Variants in XRCC3 observed in about 807,000 individuals in gnomAD.
XRCC3 encodes X-ray repair cross complementing 3, also known as DNA repair protein XRCC3.
XRCC3 carries 34 observed loss-of-function variants against 29.2 expected under a neutral mutation model. That is an observed-to-expected ratio of 1.16 (90% CI 0.88 to 1.55). The LOEUF is 1.55. Among genes scored for constraint, XRCC3 ranks in the 40% most tolerant of loss-of-function variants. The pLI is 0.00. For synonymous variants in XRCC3, 223 were observed against 211.3 expected, an observed-to-expected ratio of 1.06 and a Z score of -0.48; for missense variants, 463 against 467.6, an observed-to-expected ratio of 0.99 and a Z score of 0.09.
Position 103,706,540 on chromosome 14 carries a change from C to G in XRCC3, c.406+463G>C, listed in dbSNP as rs3212061. On this transcript the variant is annotated intron_variant, in intron 6 of 9. Coordinates refer to ENST00000555055, the MANE Select transcript of XRCC3 (RefSeq NM_005432.4). ...GAGACCCAGGCAGGCATGCTCTGAA[C>G]GCTTTAGTCCAATGCAGGGAACCCT... 1.3e-5 allele frequency: 5 copies of G among 391,288 alleles called. No individual in the cohort carries two copies. In the East Asian group the frequency reaches 2.9e-4, roughly 22 times the overall value. The allele number at this position is 391,288 out of a possible 1,614,324, so 24.2% of individuals were successfully genotyped here.
chr14:103,704,722 T>A (rs535096890), intron 6 of XRCC3: 236 of 152,320 alleles, frequency 1.5e-3, no homozygotes, highest in African/African-American at 5.0e-3. Context: ...GGCCGAACTG[T>A]ACACTTTTAG....
At chr14:103,707,977 C>T (rs1049620552) in intron 5 of XRCC3, 5 of 225,438 alleles carry the variant, frequency 2.2e-5, no homozygotes, top group Non-Finnish European at 4.5e-5. Context: ...GCCCCAAGTT[C>T]AGCACGTTCC....
chr14:103,698,125 C>T lies in XRCC3; in HGVS notation c.*673G>A, dbSNP rs1165250527. On this transcript the variant is annotated 3_prime_UTR_variant, in exon 10 of 10. Transcript: ENST00000555055. ...GGCTGTGGTGCTGGCACAGGCCACACTACTAGAGACAAGGCAGTCCCCCCA... is the reference window on the plus strand; with the variant it reads ...GGCTGTGGTGCTGGCACAGGCCACATTACTAGAGACAAGGCAGTCCCCCCA... The T allele has an allele frequency of 6.4e-6, 1 of 156,730 alleles. No homozygotes were observed. The highest frequency in any genetic ancestry group is 6.2e-5 in the Admixed American group (1 of 16,082). 9.7% of individuals were successfully genotyped at this position (156,730 alleles called of 1,614,324 possible).
At chr14:103,710,242 C>G (rs2083577005) in intron 4 of XRCC3, 1 of 152,354 alleles carries the variant, frequency 6.6e-6, no homozygotes, top group Non-Finnish European at 1.5e-5. Context: ...CACCCAGTCA[C>G]AACCCTGACA....
At chr14:103,708,342 C>T (rs1276781042) in intron 5 of XRCC3, 180 bp downstream of exon 5, 3 of 911,056 alleles carry the variant, frequency 3.3e-6, no homozygotes, top group Non-Finnish European at 5.1e-6. Flanking sequence ...TGACCCGATG[C>T]TGTGACCACA....
chr14:103,703,549 T>C, intron 6 of XRCC3: 1 of 582,706 alleles, frequency 1.7e-6, no homozygotes, highest in Non-Finnish European at 3.1e-6. Flanking sequence ...GGGCTGGGTC[T>C]CCACTTCTGA....
intron 6 of XRCC3, chr14:103,705,440 C>T (rs1160845814): frequency 6.6e-6 from 1 of 152,390 alleles, no homozygotes; most frequent in East Asian, 1.9e-4. Context: ...GTGGGCGGGG[C>T]CCCAGCAGGC....
At chr14:103,711,762 G>C (rs758014035) in intron 2 of XRCC3, 195 bp from the exon 3 acceptor site, 1 of 454,584 alleles carries the variant, frequency 2.2e-6, no homozygotes, top group South Asian at 1.6e-5. Flanking sequence ...CAAGGGAGAA[G>C]CTCAGCTCTT....
chr14:103,711,629 C>T lies in XRCC3; in HGVS notation c.-260-62G>A, dbSNP rs55653926. The T allele has an allele frequency of 2.4e-4, 111 of 456,194 alleles. 2 individuals carry two copies. The highest frequency in any genetic ancestry group is 1.3e-3 in the Middle Eastern group (4 of 3,098). 28.3% of individuals were successfully genotyped at this position (456,194 alleles called of 1,614,324 possible). Reference sequence around the variant, plus strand: ...GGTGCTCAGGGATCCAAACATCAGTCGCCCCCAGCAGCCAACAGCAGAAGA... The same window carrying T: ...GGTGCTCAGGGATCCAAACATCAGTTGCCCCCAGCAGCCAACAGCAGAAGA... On this transcript the variant is annotated intron_variant, in intron 2 of 9. Transcript: ENST00000555055.
rs3212123 is a variant in XRCC3, at chr14:103,698,010, A to T, written c.*788T>A. ...TACACCGGGACCCTCCTTCCTCTCAACCTCGGATCCTCTTTGCCCAGAACT... is the reference window on the plus strand; with the variant it reads ...TACACCGGGACCCTCCTTCCTCTCATCCTCGGATCCTCTTTGCCCAGAACT... On this transcript the variant is annotated 3_prime_UTR_variant, in exon 10 of 10. Transcript: ENST00000555055. 5 of 152,226 alleles carry T rather than the reference A, an allele frequency of 3.3e-5. 1 individual carries two copies. The highest frequency in any genetic ancestry group is 1.2e-4 in the African/African-American group (5 of 41,304). The allele number at this position is 152,226 out of a possible 1,614,324, so 9.4% of individuals were successfully genotyped here. A position where few individuals can be genotyped will look rare whatever the true frequency, so the allele number is the denominator to read the frequency against.
At chr14:103,713,514 A>C (rs1190743729) in intron 1 of XRCC3, 1 of 152,368 alleles carries the variant, frequency 6.6e-6, no homozygotes, top group Non-Finnish European at 1.5e-5. Flanking sequence ...GCAGCACCCG[A>C]GCTGAGCAAT....
At chr14:103,701,292 C>A in intron 7 of XRCC3, 1 of 1,369,588 alleles carries the variant, frequency 7.3e-7, no homozygotes, top group Non-Finnish European at 1.0e-6. Flanking sequence ...GGGCCCCTGG[C>A]CGGGAGCCGC....
chr14:103,698,865 G>T lies in XRCC3; in HGVS notation c.974C>A (p.Pro325His). Residue 325 changes from proline to histidine, a missense_variant, in exon 10 of 10, where the codon CCC (proline) becomes CAC (histidine). Transcript: ENST00000555055. ...ACTGATCGTGTAGGAACAGGAGGAGGGGGGCAGGTGGGGGGCAGAGAGCAC... is the reference window on the plus strand; with the variant it reads ...ACTGATCGTGTAGGAACAGGAGGAGTGGGGCAGGTGGGGGGCAGAGAGCAC... Reference protein sequence around the residue: ...LRVLSAPHLPPSSCSYTISAE... With the variant: ...LRVLSAPHLPHSSCSYTISAE... The T allele has an allele frequency of 6.2e-7, 1 of 1,607,194 alleles. No homozygotes were observed. Among genetic ancestry groups the T allele is most frequent in the Non-Finnish European group, 8.5e-7 (1 of 1,177,454 alleles).
chr14:103,703,055 G>C, intron 7 of XRCC3, 118 bp downstream of exon 7: 1 of 1,472,632 alleles, frequency 6.8e-7, no homozygotes, highest in South Asian at 1.2e-5. Flanking sequence ...TGTGTTCAGA[G>C]CTGAGCCCCA....
rs758533921 is a variant in XRCC3, at chr14:103,708,536, C to T, written c.179G>A (p.Ser60Asn). 9.3e-6 allele frequency: 15 copies of T among 1,614,062 alleles called. No individual in the cohort carries two copies. The South Asian group carries it at 1.5e-4, about 17-fold the overall frequency. Residue 60 changes from serine to asparagine, a missense_variant, in exon 5 of 10, where the codon AGC becomes AAC. Physicochemically the swap from Ser to Asn is conservative, Grantham distance 46. Coordinates refer to ENST00000555055, the MANE Select transcript of XRCC3 (RefSeq NM_005432.4). Reference sequence around the variant, plus strand: ...GGCCCACCTACCTGTAAGGATGCTGCTTCCCCGCAAGTGTAAGGAGGCCGT... The same window carrying T: ...GGCCCACCTACCTGTAAGGATGCTGTTTCCCCGCAAGTGTAAGGAGGCCGT... ...LRTASLHLRG[S>N]SILTALQLHQ...
intron 2 of XRCC3, chr14:103,711,774 T>A (rs1417211795): frequency 2.2e-6 from 1 of 451,816 alleles, no homozygotes; most frequent in Non-Finnish European, 4.4e-6. Context: ...TCAGCTCTTC[T>A]CCCCTCCGGC....
chr14:103,708,895 CA>C, intron 4 of XRCC3: 1 of 532,286 alleles, frequency 1.9e-6, no homozygotes, highest in East Asian at 3.7e-5. Flanking sequence ...GGCACTCGGA[CA>C]GATACCAGCC....
intron 7 of XRCC3, chr14:103,701,657 C>A (rs960776724): frequency 6.5e-6 from 1 of 154,684 alleles, no homozygotes; most frequent in Non-Finnish European, 1.4e-5. Flanking sequence ...GGCGGATCAC[C>A]AGGTCAGGAG....
intron 6 of XRCC3, 168 bp downstream of exon 6, chr14:103,706,835 C>T (rs1302398295): frequency 1.2e-5 from 10 of 819,678 alleles, no homozygotes; most frequent in Non-Finnish European, 1.8e-5. Context: ...GCCTCACTTC[C>T]CCCTCCCTGT....
Sources: gnomAD v4.1 joint callset for allele counts on GRCh38, gnomAD v4.1.1 for gene constraint, MANE v1.5 for transcripts, NCBI Gene and HGNC (gene_info 2026-07-23, HGNC 2026-07-21) for gene names.